The following SIPA1L1 variants were observed in gnomAD, a reference collection of about 807,000 sequenced individuals.
SIPA1L1 encodes signal-induced proliferation-associated 1-like protein 1.
In SIPA1L1, 26 loss-of-function variants were observed where a neutral mutation model predicts 162.7. The ratio of observed to expected loss-of-function variants is 0.16; its 90% CI spans 0.12 to 0.22. SIPA1L1 has a LOEUF of 0.22. Among genes scored for constraint, SIPA1L1 ranks in the 10% least tolerant of loss-of-function variants. SIPA1L1 has a pLI of 1.00. For synonymous variants in SIPA1L1, 829 were observed against 837.4 expected (o/e 0.99, Z 0.17); for missense variants, 1,874 against 2,241.0 (o/e 0.84, Z 3.31).
chr14:71,740,918 T>C lies in SIPA1L1; in HGVS notation c.*1757T>C, dbSNP rs2085702268. The C allele has an allele frequency of 2.0e-5, 3 of 152,380 alleles. 1 individual carries two copies. Among genetic ancestry groups the C allele is most frequent in the Admixed American group, 2.0e-4 (3 of 15,310 alleles). The allele number at this position is 152,380 out of a possible 1,614,324, so 9.4% of individuals were successfully genotyped here. ...TCTGAGTTTAGTTCTCATTTTGTTT[T>C]ACATTTTGTTTGGGGACTTGGGGCA... On this transcript the variant is annotated 3_prime_UTR_variant, in exon 24 of 24. Coordinates refer to ENST00000381232, the MANE Select transcript of SIPA1L1 (RefSeq NM_001386936.1).
At position 71,489,945 on chromosome 14, in the gene SIPA1L1, C is replaced by T. The variant is rs563631786; in HGVS notation, c.-464-22798C>T. ...TGCAACTTAACATTATTCATTTATGCAAGTGAATAATCAGTTATCAAAATA... is the reference window on the plus strand; with the variant it reads ...TGCAACTTAACATTATTCATTTATGTAAGTGAATAATCAGTTATCAAAATA... On this transcript the variant is annotated intron_variant, in intron 2 of 23. Coordinates refer to ENST00000381232, the MANE Select transcript of SIPA1L1 (RefSeq NM_001386936.1). Among the ~76,000 whole-genome samples the T allele has an allele frequency of 6.7e-4, 102 of 152,188 alleles. 1 individual carries two copies. The highest frequency in any genetic ancestry group is 2.4e-3 in the African/African-American group (99 of 41,526).
chr14:71,555,742 A>G (rs2056297315), intron 4 of SIPA1L1, among the ~76,000 whole-genome samples: 1 of 152,136 alleles, frequency 6.6e-6, no homozygotes, highest in Non-Finnish European at 1.5e-5. Flanking sequence ...GCTTGAACTT[A>G]GAGGCCATTC....
At chr14:71,574,435 G>A (rs72729948) in intron 4 of SIPA1L1, 8,611 of 152,450 alleles carry the variant, frequency 0.056, 401 homozygotes, top group Non-Finnish European at 0.082. Flanking sequence ...GGTGGGAAGA[G>A]TGTGGAGAGA....
intron 4 of SIPA1L1, among the ~76,000 whole-genome samples, chr14:71,584,880 C>T (rs1228832425): frequency 6.6e-6 from 1 of 152,020 alleles, no homozygotes; most frequent in East Asian, 1.9e-4. Context: ...TGCTTTTTAC[C>T]ATATTGGTAC....
Position 71,661,283 on chromosome 14 carries a change from A to G in SIPA1L1, c.2098-27A>G, listed in dbSNP as rs765303733. 2.1e-5 allele frequency: 33 copies of G among 1,608,112 alleles called. No homozygotes were observed. The Middle Eastern group carries it at 5.0e-4, about 24-fold the overall frequency. On this transcript the variant is annotated intron_variant, in intron 9 of 23. Coordinates refer to ENST00000381232, the MANE Select transcript of SIPA1L1 (RefSeq NM_001386936.1). The stretch of plus-strand genomic sequence containing the variant: ...CGGGGGAAGCAAATGATTGTTATTT[A>G]TGTTGGTTGCTTATTTTTTCTTGTA...
intron 2 of SIPA1L1, among the ~76,000 whole-genome samples, chr14:71,502,253 A>ATATATATATATATATATATAT (rs1555440974): frequency 5.6e-5 from 5 of 89,902 alleles, no homozygotes; most frequent in African/African-American, 1.8e-4. Context: ...AAAAAAAAAA[A>ATATATATATATATATATATAT]AAATATATAT....
At chr14:71,422,324 A>G (rs911595465) in intron 2 of SIPA1L1, among the ~76,000 whole-genome samples, 1 of 152,192 alleles carries the variant, frequency 6.6e-6, no homozygotes, top group African/African-American at 2.4e-5. Context: ...AAAAATATGA[A>G]ACAATACATA....
intron 7 of SIPA1L1, among the ~76,000 whole-genome samples, chr14:71,641,590 G>A (rs959334127): frequency 3.9e-5 from 6 of 152,170 alleles, no homozygotes; most frequent in Non-Finnish European, 5.9e-5. Flanking sequence ...GGGTGTGGTG[G>A]CAGGTTCCTG....
chr14:71,352,513 T>C (rs1002972845), intron 2 of SIPA1L1, among the ~76,000 whole-genome samples: 1 of 152,254 alleles, frequency 6.6e-6, no homozygotes, highest in Non-Finnish European at 1.5e-5. Context: ...TTCTTTTGTT[T>C]CTGGCTTCTT....
intron 2 of SIPA1L1, among the ~76,000 whole-genome samples, chr14:71,399,896 T>C (rs964606538): frequency 2.6e-5 from 4 of 152,102 alleles, no homozygotes; most frequent in African/African-American, 9.7e-5. Context: ...GATTTTTGTA[T>C]TTTTAGTAGA....
Position 71,588,127 on chromosome 14 carries a change from A to C in SIPA1L1, c.255A>C (p.Pro85=). ...GGGCAAGGATTGCAGATTGGCCCCC[A>C]AGAAAGGAAAACATAAAAGAATCTA... ...GVRARIADWP[P]RKENIKESSR... The change falls in exon 5 of 24, where the codon CCA becomes CCC. Residue 85 remains proline (P), a synonymous_variant. Coordinates refer to ENST00000381232, the MANE Select transcript of SIPA1L1 (RefSeq NM_001386936.1). The surrounding 1 kb of genome is among the most constrained non-coding windows in gnomAD (Gnocchi z 4.3). 9 of 1,614,206 alleles carry C rather than the reference A, an allele frequency of 5.6e-6. No homozygotes were observed. Among genetic ancestry groups the C allele is most frequent in the Non-Finnish European group, 7.6e-6 (9 of 1,180,006 alleles).
chr14:71,401,235 T>A (rs938763994), intron 2 of SIPA1L1, among the ~76,000 whole-genome samples: 1 of 152,180 alleles, frequency 6.6e-6, no homozygotes, highest in African/African-American at 2.4e-5. Flanking sequence ...TTTTCCAAGA[T>A]GATTTTGTGC....
At chr14:71,542,729 C>CCTCCTT (rs1202572962) in intron 4 of SIPA1L1, among the ~76,000 whole-genome samples, 4 of 144,914 alleles carry the variant, frequency 2.8e-5, no homozygotes, top group East Asian at 2.0e-4. Flanking sequence ...TCCTCCTCCT[C>CCTCCTT]CTCCTTCTTC....
At chr14:71,508,248 T>C (rs1404427464) in intron 2 of SIPA1L1, among the ~76,000 whole-genome samples, 1 of 152,194 alleles carries the variant, frequency 6.6e-6, no homozygotes, top group Non-Finnish European at 1.5e-5. Context: ...TCAAGGAAAA[T>C]ATGCTCATGG....
intron 2 of SIPA1L1, among the ~76,000 whole-genome samples, chr14:71,500,597 G>A (rs2050129635): frequency 6.6e-6 from 1 of 152,174 alleles, no homozygotes; most frequent in African/African-American, 2.4e-5. Context: ...TCCACTACCA[G>A]GTGTACAGAT....
chr14:71,551,898 A>G (rs2055873042), intron 4 of SIPA1L1, among the ~76,000 whole-genome samples: 1 of 152,192 alleles, frequency 6.6e-6, no homozygotes. Flanking sequence ...CTTATCTTAA[A>G]TGACTACTTC....
At chr14:71,522,996 A>AT (rs1023731772) in intron 3 of SIPA1L1, among the ~76,000 whole-genome samples, 6 of 152,036 alleles carry the variant, frequency 3.9e-5, no homozygotes, top group Non-Finnish European at 7.4e-5. Flanking sequence ...TAAGGTTTGC[A>AT]TTTTTTTATT....
At chr14:71,649,657 A>C (rs2042458043) in intron 7 of SIPA1L1, among the ~76,000 whole-genome samples, 1 of 152,228 alleles carries the variant, frequency 6.6e-6, no homozygotes, top group South Asian at 2.1e-4. Context: ...TGAGGAAGAA[A>C]TATTTGCCAT....
At chr14:71,692,866 G>A (rs140820606) in intron 13 of SIPA1L1, among the ~76,000 whole-genome samples, 2,606 of 152,252 alleles carry the variant, frequency 0.017, 29 homozygotes, top group Non-Finnish European at 0.023. Context: ...GAAATTCCTA[G>A]AAGCACCAGG....
Sources: gnomAD v4.1 joint callset for allele counts (sites outside exome capture counted in the v4.1 genomes callset) on GRCh38, gnomAD v4.1.1 for gene constraint, Gnocchi (gnomAD v3.1) non-coding constraint, MANE v1.5 for transcripts, NCBI Gene and HGNC (gene_info 2026-07-23, HGNC 2026-07-21) for gene names.